The following KIAA1217 variants were observed in gnomAD, a reference collection of about 807,000 sequenced individuals.
KIAA1217 encodes sickle tail protein homolog.
In KIAA1217, 88 loss-of-function variants were observed where a neutral mutation model predicts 163.9. That is an observed-to-expected ratio of 0.54 (90% CI 0.45 to 0.64). The LOEUF is 0.64. Among genes scored for constraint, KIAA1217 ranks in the 30% least tolerant of loss-of-function variants. KIAA1217 has a pLI of 0.00. For synonymous variants in KIAA1217, 903 were observed against 923.1 expected (o/e 0.98, Z 0.39); for missense variants, 2,372 against 2,475.0 (o/e 0.96, Z 0.88).
chr10:23,923,289 T>C (rs1842914000), intron 1 of KIAA1217, among the ~76,000 whole-genome samples: 1 of 152,164 alleles, frequency 6.6e-6, no homozygotes, highest in South Asian at 2.1e-4. Flanking sequence ...CAATTGCAAA[T>C]TGTGCTGTTA....
intron 1 of KIAA1217, among the ~76,000 whole-genome samples, chr10:23,932,421 A>AG (rs1406530614): frequency 2.6e-5 from 4 of 152,166 alleles, no homozygotes; most frequent in Non-Finnish European, 4.4e-5. Flanking sequence ...TCTTAAAAAA[A>AG]AAAAAGTGCA....
At chr10:24,184,640 G>A (rs188762572) in intron 2 of KIAA1217, among the ~76,000 whole-genome samples, 1 of 152,342 alleles carries the variant, frequency 6.6e-6, no homozygotes, top group East Asian at 1.9e-4. Context: ...ACTGATTGCT[G>A]TCCAGCAGCA....
intron 1 of KIAA1217, among the ~76,000 whole-genome samples, chr10:23,841,505 T>C (rs948693511): frequency 1.3e-5 from 2 of 152,158 alleles, no homozygotes; most frequent in Non-Finnish European, 2.9e-5. Flanking sequence ...ATGGGAATGA[T>C]CTGACTGATG....
chr10:24,010,905 G>T (rs1847212311), intron 2 of KIAA1217, among the ~76,000 whole-genome samples: 1 of 152,000 alleles, frequency 6.6e-6, no homozygotes, highest in South Asian at 2.1e-4. Flanking sequence ...CCAAAAGATG[G>T]GATTAGGATG....
At chr10:23,805,996 C>CAAAAAAAAAAAAAAAAA (rs71397917) in intron 1 of KIAA1217, among the ~76,000 whole-genome samples, 742 of 30,384 alleles carry the variant, frequency 0.024, 1 homozygote, top group East Asian at 0.03. Context: ...AACTCCATCT[C>CAAAAAAAAAAAAAAAAA]AAAAAAAAAA....
intron 1 of KIAA1217, among the ~76,000 whole-genome samples, chr10:23,968,800 A>G (rs1207892995): frequency 6.6e-6 from 1 of 152,232 alleles, no homozygotes; most frequent in Non-Finnish European, 1.5e-5. Context: ...AGCAAGTATC[A>G]ATACTTAATT....
chr10:24,234,392 G>T (rs988477150), intron 2 of KIAA1217, among the ~76,000 whole-genome samples: 1 of 151,934 alleles, frequency 6.6e-6, no homozygotes, highest in Admixed American at 6.6e-5. Flanking sequence ...GGCCGGGTGC[G>T]GTGGCTCATG....
chr10:24,119,822 G>A (rs1283672609), intron 2 of KIAA1217, among the ~76,000 whole-genome samples: 1 of 152,172 alleles, frequency 6.6e-6, no homozygotes, highest in African/African-American at 2.4e-5. Context: ...TCAATGTGCT[G>A]TCTGGCCAAT....
chr10:23,960,419 G>A (rs1263806430), intron 1 of KIAA1217, among the ~76,000 whole-genome samples: 1 of 152,072 alleles, frequency 6.6e-6, no homozygotes, highest in Non-Finnish European at 1.5e-5. Flanking sequence ...CACCACACCT[G>A]GCTAATTTTG....
intron 1 of KIAA1217, among the ~76,000 whole-genome samples, chr10:23,725,670 A>C (rs143218792): frequency 3.3e-5 from 5 of 152,360 alleles, no homozygotes; most frequent in African/African-American, 1.2e-4. Flanking sequence ...ACTACTGATG[A>C]CAGTGAATTC....
chr10:24,170,151 A>G (rs543636225), intron 2 of KIAA1217, among the ~76,000 whole-genome samples: 2 of 152,348 alleles, frequency 1.3e-5, no homozygotes, highest in African/African-American at 4.8e-5. Context: ...ACATTTTCCA[A>G]TGCTAGTTTC....
intron 1 of KIAA1217, among the ~76,000 whole-genome samples, chr10:23,829,734 A>G (rs1051948293): frequency 4.6e-5 from 7 of 152,336 alleles, no homozygotes; most frequent in African/African-American, 1.2e-4. Context: ...CTGTGTACTC[A>G]GTATTACATA....
intron 2 of KIAA1217, among the ~76,000 whole-genome samples, chr10:24,065,822 G>C (rs1424036893): frequency 2.0e-5 from 3 of 152,126 alleles, no homozygotes; most frequent in Non-Finnish European, 4.4e-5. Flanking sequence ...GAATCTGAGT[G>C]CTCCTGTATT....
chr10:23,826,136 T>C (rs1001071392), intron 1 of KIAA1217, among the ~76,000 whole-genome samples: 6 of 152,202 alleles, frequency 3.9e-5, no homozygotes, highest in East Asian at 1.9e-4. Context: ...AACATTCTTT[T>C]ATATTGCACT....
At chr10:24,102,725 C>G (rs1298860745) in intron 2 of KIAA1217, among the ~76,000 whole-genome samples, 1 of 152,154 alleles carries the variant, frequency 6.6e-6, no homozygotes, top group Non-Finnish European at 1.5e-5. Flanking sequence ...AATTCCCTTC[C>G]CCTCAAGAAA....
intron 2 of KIAA1217, among the ~76,000 whole-genome samples, chr10:24,071,129 C>T (rs1589388750): frequency 6.6e-6 from 1 of 152,116 alleles, no homozygotes; most frequent in Non-Finnish European, 1.5e-5. Flanking sequence ...TTCCCAATTA[C>T]TGAAGATAAT....
chr10:23,849,489 C>T (rs753024672), intron 1 of KIAA1217, among the ~76,000 whole-genome samples: 2 of 151,988 alleles, frequency 1.3e-5, no homozygotes, highest in Non-Finnish European at 2.9e-5. Flanking sequence ...TACAGTGTTG[C>T]TCCATCAATC....
chr10:24,009,373 C>T (rs747612725), intron 2 of KIAA1217, among the ~76,000 whole-genome samples: 2 of 151,226 alleles, frequency 1.3e-5, no homozygotes. Flanking sequence ...AGCAGAACAT[C>T]GACAGGGATT....
chr10:23,930,461 C>T (rs1335934517), intron 1 of KIAA1217, among the ~76,000 whole-genome samples: 1 of 152,170 alleles, frequency 6.6e-6, no homozygotes, highest in African/African-American at 2.4e-5. Flanking sequence ...ATTTGTTCTA[C>T]ATCCTGTATT....
Sources: gnomAD v4.1 joint callset for allele counts (sites outside exome capture counted in the v4.1 genomes callset) on GRCh38, gnomAD v4.1.1 for gene constraint, MANE v1.5 for transcripts, NCBI Gene and HGNC (gene_info 2026-07-23, HGNC 2026-07-21) for gene names.